PRDM15: variants seen among roughly 807,000 people sequenced by gnomAD.
PRDM15 encodes the protein PR domain zinc finger protein 15.
PRDM15 carries 64 observed loss-of-function variants against 128.6 expected under a neutral mutation model. The ratio of observed to expected loss-of-function variants is 0.50; its 90% CI spans 0.41 to 0.61. The LOEUF is 0.61. PRDM15 is among the 20% of genes least tolerant of loss of function. The pLI is 0.00. For synonymous variants in PRDM15, 615 were observed against 621.8 expected, an observed-to-expected ratio of 0.99 and a Z score of 0.16; for missense variants, 1,242 against 1,569.1, an observed-to-expected ratio of 0.79 and a Z score of 3.52.
At position 41,828,061 on chromosome 21, in the gene PRDM15, C is replaced by A; in HGVS notation, c.1534+105G>T. The stretch of plus-strand genomic sequence containing the variant: ...CGTTTCCAGGCAAAGGAGCAGGCGG[C>A]ACCGAACTGCTCCCCAAAGGCCCTG... On this transcript the variant is annotated intron_variant, in intron 12 of 23. Coordinates refer to ENST00000398548, the MANE Select transcript of PRDM15 (RefSeq NM_001040424.3). The surrounding 1 kb of genome is among the most constrained non-coding windows in gnomAD (Gnocchi z 5.7). The A allele has an allele frequency of 8.5e-7, 1 of 1,175,956 alleles. No individual in the cohort carries two copies. Among genetic ancestry groups the A allele is most frequent in the Non-Finnish European group, 1.2e-6 (1 of 813,148 alleles). 72.8% of individuals were successfully genotyped at this position (1,175,956 alleles called of 1,614,324 possible). A position where few individuals can be genotyped will look rare whatever the true frequency, so the allele number is the denominator to read the frequency against.
At chr21:41,858,257 C>T (rs1444678292) in intron 3 of PRDM15, among the ~76,000 whole-genome samples, 1 of 152,272 alleles carries the variant, frequency 6.6e-6, no homozygotes, top group Non-Finnish European at 1.5e-5. Flanking sequence ...CCGGGACGAG[C>T]CCAGGACACG....
At position 41,821,142 on chromosome 21, in the gene PRDM15, C is replaced by T. The variant is rs757478169; in HGVS notation, c.1985G>A (p.Arg662His). The change falls in exon 16 of 24, where the codon CGC becomes CAC. Residue 662 changes from arginine (R) to histidine (H), a missense_variant. By Grantham distance (29) the Arg-to-His change is conservative. This residue lies in a region of PRDM15 where 602 missense variants were observed against 788.3 expected (regional missense o/e 0.76). Transcript: ENST00000398548. The surrounding 1 kb of genome is among the most constrained non-coding windows in gnomAD (Gnocchi z 5.4). ...KGYGCSICNR[R>H]FALKATYHAH... is the part of the protein sequence containing the mutation. ...GTGGTAGGTGGCCTTCAGTGCAAAGCGCCGGTTGCAGATGCTGCAGCCATA... is the reference window on the plus strand; with the variant it reads ...GTGGTAGGTGGCCTTCAGTGCAAAGTGCCGGTTGCAGATGCTGCAGCCATA... The T allele has an allele frequency of 1.9e-6, 3 of 1,614,210 alleles. No homozygotes were observed. The highest frequency in any genetic ancestry group is 1.7e-6 in the Non-Finnish European group (2 of 1,180,036).
chr21:41,851,419 T>G (rs764609793), intron 5 of PRDM15, among the ~76,000 whole-genome samples: 39 of 152,260 alleles, frequency 2.6e-4, no homozygotes, highest in Non-Finnish European at 4.6e-4. Flanking sequence ...ACACTCAGAC[T>G]CTGGTGGGCC....
chr21:41,869,698 G>A (rs118175599), intron 1 of PRDM15, among the ~76,000 whole-genome samples: 8,788 of 152,208 alleles, frequency 0.058, 339 homozygotes, highest in Middle Eastern at 0.13. Flanking sequence ...TATCCACCTC[G>A]GCCTCCCAAG....
At position 41,819,958 on chromosome 21, in the gene PRDM15, G is replaced by A. The variant is rs562040593; in HGVS notation, c.2140+137C>T. 1.3e-4 allele frequency: 109 copies of A among 826,106 alleles called. No individual in the cohort carries two copies. In the African/African-American group the frequency reaches 1.5e-3, roughly 11 times the overall value. 51.2% of individuals were successfully genotyped at this position (826,106 alleles called of 1,614,324 possible). ...GGCAGGGCTGATAAGGACGGGAAAA[G>A]CTGGAGAAACAGAGGAAGGCATGGG... On this transcript the variant is annotated intron_variant, in intron 17 of 23. Coordinates refer to ENST00000398548, the MANE Select transcript of PRDM15 (RefSeq NM_001040424.3).
rs938778023 is a variant in PRDM15 at position 41,825,948 on chromosome 21, T to C, written c.1629+12A>G. 3.1e-6 allele frequency: 5 copies of C among 1,600,840 alleles called. No homozygotes were observed. The South Asian group carries it at 3.3e-5, about 11-fold the overall frequency. On this transcript the variant is annotated intron_variant, in intron 13 of 23. Coordinates refer to ENST00000398548, the MANE Select transcript of PRDM15 (RefSeq NM_001040424.3). ...TTCCATCTCAGCGTCCGACGTGGACTGCGAGCATTACCTTGCCACACACCG... is the reference window on the plus strand; with the variant it reads ...TTCCATCTCAGCGTCCGACGTGGACCGCGAGCATTACCTTGCCACACACCG...
rs191771894 is a variant in PRDM15, at chr21:41,839,789, T to C, written c.705A>G (p.Ala235=). Residue 235 remains alanine (A), a synonymous_variant, in exon 7 of 24, where the codon GCA becomes GCG. Transcript: ENST00000398548. Reference sequence around the variant, plus strand: ...GTGTGTCCTGCTCCTTCTCGGGAGCTGCTGCCTCGCTTTGGCTGCCTGGAG... The same window carrying C: ...GTGTGTCCTGCTCCTTCTCGGGAGCCGCTGCCTCGCTTTGGCTGCCTGGAG... The part of the protein sequence containing the change: ...SLPPGSQSEA[A]APEKEQDTPR... The C allele has an allele frequency of 4.3e-6, 7 of 1,614,160 alleles. No homozygotes were observed. The highest frequency in any genetic ancestry group is 5.9e-6 in the Non-Finnish European group (7 of 1,180,064).
At chr21:41,861,049 C>T (rs1201940861) in intron 1 of PRDM15, among the ~76,000 whole-genome samples, 1 of 152,166 alleles carries the variant, frequency 6.6e-6, no homozygotes, top group Non-Finnish European at 1.5e-5. Flanking sequence ...AGGCTCACTG[C>T]AGCCTCTACC....
At position 41,802,911 on chromosome 21, in the gene PRDM15, G is replaced by A; in HGVS notation, c.2744C>T (p.Thr915Ile). Residue 915 changes from threonine to isoleucine, a missense_variant, in exon 23 of 24, where the codon ACT becomes ATT. By Grantham distance (89) the Thr-to-Ile change is moderately conservative (BLOSUM62 -1). Transcript: ENST00000398548. ...SSIGIVQPELTLEQEDLAEGK... is the reference protein window; with the variant it reads ...SSIGIVQPELILEQEDLAEGK... ...TTCGGCCAAATCCTCCTGCTCCAGA[G>A]TCAGCTCAGGCTGCAGAAAAATCGG... 1 of 1,613,924 alleles carries A rather than the reference G, an allele frequency of 6.2e-7. No homozygotes were observed. The highest frequency in any genetic ancestry group is 8.5e-7 in the Non-Finnish European group (1 of 1,180,002).
rs114923068 is a variant in PRDM15 at position 41,865,384 on chromosome 21, G to A, written c.-9-5012C>T. 5.0e-3 allele frequency among the ~76,000 whole-genome samples: 768 copies of A among 152,252 alleles called. 7 individuals are homozygous for A. Among genetic ancestry groups the A allele is most frequent in the African/African-American group, 0.017 (719 of 41,534 alleles). The stretch of plus-strand genomic sequence containing the variant: ...CATGTCTCTCCCACCACACTTCAAC[G>A]GCCAAGAGGGCAAGGCTTGTGGCAG... On this transcript the variant is annotated intron_variant, in intron 1 of 23. Transcript: ENST00000398548.
At chr21:41,864,338 G>T (rs1265686360) in intron 1 of PRDM15, among the ~76,000 whole-genome samples, 1 of 152,020 alleles carries the variant, frequency 6.6e-6, no homozygotes, top group Non-Finnish European at 1.5e-5. Context: ...AATAATAATA[G>T]AACTTAGAAA....
intron 17 of PRDM15, 143 bp downstream of exon 17, chr21:41,819,952 G>A (rs2062193506): frequency 1.2e-6 from 1 of 810,936 alleles, no homozygotes; most frequent in Non-Finnish European, 2.0e-6. Flanking sequence ...GATAAGGACG[G>A]GAAAAGCTGG....
chr21:41,866,177 C>T (rs1254149628), intron 1 of PRDM15, among the ~76,000 whole-genome samples: 1 of 152,206 alleles, frequency 6.6e-6, no homozygotes, highest in Non-Finnish European at 1.5e-5. Flanking sequence ...GACCTGACAC[C>T]TTCTTCACCT....
intron 19 of PRDM15, chr21:41,812,810 T>C (rs745942575): frequency 5.3e-5 from 8 of 152,202 alleles, no homozygotes; most frequent in Non-Finnish European, 1.2e-4. Flanking sequence ...ACGGCCACTG[T>C]GGGGGATGAT....
intron 1 of PRDM15, among the ~76,000 whole-genome samples, chr21:41,863,906 C>G (rs1208640318): frequency 1.3e-5 from 2 of 151,454 alleles, no homozygotes; most frequent in Non-Finnish European, 2.9e-5. Flanking sequence ...TGCAGTGGCG[C>G]GATCTCAGCT....
intron 18 of PRDM15, among the ~76,000 whole-genome samples, chr21:41,819,289 C>A (rs1481308894): frequency 1.3e-5 from 2 of 152,148 alleles, no homozygotes; most frequent in Non-Finnish European, 2.9e-5. Context: ...AGCTGGGCGG[C>A]CTGGCTGAGC....
At chr21:41,877,546 T>C (rs936819061) in intron 1 of PRDM15, 2 of 152,212 alleles carry the variant, frequency 1.3e-5, no homozygotes, top group Non-Finnish European at 2.9e-5. Flanking sequence ...TCCCAACCTC[T>C]TGAGCGCACG....
chr21:41,810,864 T>G lies in PRDM15; in HGVS notation c.2393-28A>C, dbSNP rs746168472. 2.2e-5 allele frequency: 36 copies of G among 1,601,820 alleles called. No individual in the cohort carries two copies. Among genetic ancestry groups the G allele is most frequent in the Non-Finnish European group, 3.0e-5 (35 of 1,169,046 alleles). ...GCAGAGAAAGGCGCACATAACTTCCTACGTTTAATGAGTGTTGTAAGTCCA... is the reference window on the plus strand; with the variant it reads ...GCAGAGAAAGGCGCACATAACTTCCGACGTTTAATGAGTGTTGTAAGTCCA... On this transcript the variant is annotated intron_variant, in intron 19 of 23. Coordinates refer to ENST00000398548, the MANE Select transcript of PRDM15 (RefSeq NM_001040424.3). This position sits in a 1 kb window ranked among gnomAD's most constrained non-coding sequence, Gnocchi z 6.4.
chr21:41,815,950 G>T, intron 18 of PRDM15, 114 bp from the exon 19 acceptor site: 1 of 1,346,206 alleles, frequency 7.4e-7, no homozygotes, highest in Non-Finnish European at 1.0e-6. Flanking sequence ...ACTGGTGAGG[G>T]TGTGGGCCGG....
Sources: allele counts gnomAD v4.1 joint callset (sites outside exome capture counted in the v4.1 genomes callset), GRCh38; gene constraint gnomAD v4.1.1; regional missense constraint gnomAD v4.1.1; non-coding constraint Gnocchi (gnomAD v3.1); transcripts MANE v1.5; gene names NCBI Gene and HGNC (gene_info 2026-07-23, HGNC 2026-07-21).